IMMP2L: variants seen among roughly 807,000 people sequenced by gnomAD.
IMMP2L encodes the protein inner mitochondrial membrane peptidase subunit 2.
Under a neutral mutation model 19.3 loss-of-function variants are expected in IMMP2L, and 18 were observed. The ratio of observed to expected loss-of-function variants is 0.93; its 90% CI spans 0.64 to 1.38. The LOEUF is 1.38. Among genes scored for constraint, IMMP2L ranks in the 40% most tolerant of loss-of-function variants. The pLI, the probability that IMMP2L is intolerant of heterozygous loss-of-function variation, is 0.00. For synonymous variants in IMMP2L, 76 were observed against 73.0 expected, an observed-to-expected ratio of 1.04 and a Z score of -0.21; for missense variants, 233 against 218.2, an observed-to-expected ratio of 1.07 and a Z score of -0.43.
At chr7:111,399,517 C>A (rs1257824540) in intron 3 of IMMP2L, among the ~76,000 whole-genome samples, 1 of 151,862 alleles carries the variant, frequency 6.6e-6, no homozygotes, top group Non-Finnish European at 1.5e-5. Flanking sequence ...ACCATGCCTG[C>A]CTAATTTTTT....
At position 111,268,171 on chromosome 7, in the gene IMMP2L, A is replaced by G. The variant is rs186030536; in HGVS notation, c.239+219067T>C. ...TCTACCATTAGAGATTTATCTCTCT[A>G]TGTGTTATATATTATTCCCCCCAAG... On this transcript the variant is annotated intron_variant, in intron 3 of 5. Transcript: ENST00000405709. 1.3e-4 allele frequency among the ~76,000 whole-genome samples: 20 copies of G among 152,212 alleles called. 1 individual carries two copies. Among genetic ancestry groups the G allele is most frequent in the Admixed American group, 1.0e-3 (16 of 15,266 alleles).
intron 3 of IMMP2L, among the ~76,000 whole-genome samples, chr7:111,055,895 A>G (rs1264017229): frequency 6.6e-6 from 1 of 152,242 alleles, no homozygotes; most frequent in Non-Finnish European, 1.5e-5. Context: ...TGCCAATACC[A>G]GAAATTTATC....
At chr7:110,844,500 G>C (rs953035235) in intron 5 of IMMP2L, among the ~76,000 whole-genome samples, 3 of 151,928 alleles carry the variant, frequency 2.0e-5, no homozygotes, top group African/African-American at 7.2e-5. Context: ...AAAGAAAACG[G>C]AGAAGGGTAA....
At chr7:111,044,995 A>T (rs531154146) in intron 3 of IMMP2L, among the ~76,000 whole-genome samples, 1 of 152,344 alleles carries the variant, frequency 6.6e-6, no homozygotes, top group African/African-American at 2.4e-5. Flanking sequence ...AAGATAAAGC[A>T]GAGAGAATAT....
At chr7:111,117,621 T>C (rs1047517368) in intron 3 of IMMP2L, among the ~76,000 whole-genome samples, 1 of 152,084 alleles carries the variant, frequency 6.6e-6, no homozygotes, top group Non-Finnish European at 1.5e-5. Flanking sequence ...TTTACAAGGA[T>C]GCATTTAGTA....
In IMMP2L at chr7:110,758,193, TATTAACACTG is replaced by T. The variant is rs1351194360; in HGVS notation, c.409-94482_409-94473del. On this transcript the variant is annotated intron_variant, in intron 5 of 5. Transcript: ENST00000405709. This position sits in a 1 kb window ranked among gnomAD's most constrained non-coding sequence, Gnocchi z 4.6. The stretch of plus-strand genomic sequence containing the variant: ...AGTGAAGTTAGCCTCTTGGAGTCAT[TATTAACACTG>T]AGAAGACTGGTTTCTGTACAGTGAT... Among the ~76,000 whole-genome samples, 1 of 151,942 alleles carries T rather than the reference TATTAACACTG, an allele frequency of 6.6e-6. No individual in the cohort carries two copies. The highest frequency in any genetic ancestry group is 1.5e-5 in the Non-Finnish European group (1 of 67,992).
At chr7:111,490,257 C>T (rs1389669607) in intron 2 of IMMP2L, among the ~76,000 whole-genome samples, 2 of 151,308 alleles carry the variant, frequency 1.3e-5, no homozygotes, top group African/African-American at 4.9e-5. Context: ...CATACCACCA[C>T]ATCCAGCTAA....
At chr7:110,822,760 G>A (rs1014108576) in intron 5 of IMMP2L, among the ~76,000 whole-genome samples, 3 of 152,070 alleles carry the variant, frequency 2.0e-5, no homozygotes, top group African/African-American at 7.2e-5. Flanking sequence ...AAGTGAGGAA[G>A]CCCAAGTTTA....
intron 3 of IMMP2L, among the ~76,000 whole-genome samples, chr7:111,094,528 C>T (rs2129578403): frequency 1.3e-5 from 2 of 152,244 alleles, no homozygotes; most frequent in East Asian, 3.9e-4. Flanking sequence ...ATGTATCACT[C>T]TTTGGTACAT....
At chr7:111,194,810 T>C (rs944544097) in intron 3 of IMMP2L, among the ~76,000 whole-genome samples, 1 of 152,152 alleles carries the variant, frequency 6.6e-6, no homozygotes, top group Admixed American at 6.5e-5. Context: ...ATCACAAAAT[T>C]ACTTACCAAG....
At chr7:111,255,880 A>C (rs1377893355) in intron 3 of IMMP2L, among the ~76,000 whole-genome samples, 1 of 152,086 alleles carries the variant, frequency 6.6e-6, no homozygotes, top group African/African-American at 2.4e-5. Flanking sequence ...TTCTAACCAG[A>C]TAATAACTCC....
chr7:111,306,279 A>G (rs1161034357), intron 3 of IMMP2L, among the ~76,000 whole-genome samples: 1 of 152,156 alleles, frequency 6.6e-6, no homozygotes, highest in Non-Finnish European at 1.5e-5. Flanking sequence ...GTACAACATC[A>G]ACAGTGAATG....
At chr7:111,063,141 T>C (rs766878687) in intron 3 of IMMP2L, among the ~76,000 whole-genome samples, 9 of 152,176 alleles carry the variant, frequency 5.9e-5, no homozygotes, top group Non-Finnish European at 1.3e-4. Context: ...TATCCAGGCA[T>C]TTCCATAAAT....
intron 3 of IMMP2L, among the ~76,000 whole-genome samples, chr7:111,445,155 C>T (rs1281051464): frequency 6.6e-6 from 1 of 151,944 alleles, no homozygotes; most frequent in Admixed American, 6.5e-5. Flanking sequence ...TCTCTTCTCA[C>T]AATTATCCTT....
In IMMP2L at chr7:110,953,593, A is replaced by G. The variant is rs748204290; in HGVS notation, c.305+9907T>C. Among the ~76,000 whole-genome samples, 4 of 152,064 alleles carry G rather than the reference A, an allele frequency of 2.6e-5. 1 individual carries two copies. The highest frequency in any genetic ancestry group is 2.9e-5 in the Non-Finnish European group (2 of 68,018). On this transcript the variant is annotated intron_variant, in intron 4 of 5. Coordinates refer to ENST00000405709, the MANE Select transcript of IMMP2L (RefSeq NM_032549.4). ...TTGATGGGCATTTAGGTTGGTTCCA[A>G]GTCTTTGCTATTGTAAATAGTGCCA...
At chr7:110,904,565 T>A (rs1319203928) in intron 4 of IMMP2L, among the ~76,000 whole-genome samples, 1 of 152,214 alleles carries the variant, frequency 6.6e-6, no homozygotes, top group Non-Finnish European at 1.5e-5. Context: ...ATGCATGGAT[T>A]TATTCCCAGG....
intron 5 of IMMP2L, among the ~76,000 whole-genome samples, chr7:110,691,862 G>A (rs1347549528): frequency 6.6e-6 from 1 of 152,190 alleles, no homozygotes; most frequent in Non-Finnish European, 1.5e-5. Flanking sequence ...TAGTGGGAAT[G>A]TAAATTAGTG....
chr7:110,697,196 T>C (rs938915569), intron 5 of IMMP2L, among the ~76,000 whole-genome samples: 3 of 152,146 alleles, frequency 2.0e-5, no homozygotes, highest in African/African-American at 7.2e-5. Context: ...CAGCTAAACA[T>C]GTGACAGTAT....
At chr7:111,077,384 C>G (rs1457375721) in intron 3 of IMMP2L, among the ~76,000 whole-genome samples, 1 of 152,202 alleles carries the variant, frequency 6.6e-6, no homozygotes, top group Non-Finnish European at 1.5e-5. Flanking sequence ...GCTCTTCTCT[C>G]GGAATCCCGC....
Sources: allele counts gnomAD v4.1 joint callset (sites outside exome capture counted in the v4.1 genomes callset), GRCh38; gene constraint gnomAD v4.1.1; non-coding constraint Gnocchi (gnomAD v3.1); transcripts MANE v1.5; gene names NCBI Gene and HGNC (gene_info 2026-07-23, HGNC 2026-07-21).